The following GRID1 variants were observed in gnomAD, a reference collection of about 807,000 sequenced individuals.
GRID1 encodes the protein glutamate ionotropic receptor delta type subunit 1, also known as glutamate receptor ionotropic, delta-1.
In GRID1, 28 loss-of-function variants were observed where a neutral mutation model predicts 98.0. The ratio of observed to expected loss-of-function variants is 0.29; its 90% CI spans 0.21 to 0.39. The LOEUF is 0.39. Ranked by LOEUF, GRID1 falls within the 10% of genes least tolerant of loss-of-function variation. GRID1 has a pLI of 1.00. For synonymous variants in GRID1, 553 were observed against 538.5 expected (o/e 1.03, Z -0.37); for missense variants, 1,111 against 1,340.5 (o/e 0.83, Z 2.67).
chr10:86,093,982 A>G (rs1844184284), intron 4 of GRID1, among the ~76,000 whole-genome samples: 1 of 152,248 alleles, frequency 6.6e-6, no homozygotes, highest in African/African-American at 2.4e-5. Flanking sequence ...CAACATATCA[A>G]AAAGATAATC....
intron 2 of GRID1, among the ~76,000 whole-genome samples, chr10:86,282,450 T>TG (rs1168076575): frequency 4.6e-5 from 7 of 152,178 alleles, no homozygotes; most frequent in African/African-American, 1.7e-4. Context: ...AGGTGCCGGC[T>TG]GAGCCTGTCC....
intron 14 of GRID1, among the ~76,000 whole-genome samples, chr10:85,616,469 C>T (rs1162579070): frequency 6.6e-6 from 1 of 152,092 alleles, no homozygotes; most frequent in Non-Finnish European, 1.5e-5. Flanking sequence ...GGTCAGATCC[C>T]CACTCCTCCG....
chr10:86,174,524 A>G (rs1411560828), intron 3 of GRID1, among the ~76,000 whole-genome samples: 1 of 151,974 alleles, frequency 6.6e-6, no homozygotes, highest in Non-Finnish European at 1.5e-5. Flanking sequence ...CATTAGACCT[A>G]AAACCATAAA....
intron 5 of GRID1, among the ~76,000 whole-genome samples, chr10:85,895,824 T>C (rs988131913): frequency 1.3e-5 from 2 of 152,070 alleles, no homozygotes; most frequent in Non-Finnish European, 2.9e-5. Context: ...CCGAGGAAAA[T>C]GAGAATCAGT....
chr10:86,121,512 C>T (rs1844671141), intron 4 of GRID1, among the ~76,000 whole-genome samples: 6 of 148,680 alleles, frequency 4.0e-5, no homozygotes, highest in East Asian at 4.0e-4. Context: ...TCACCATCAT[C>T]ATCACTACCA....
intron 2 of GRID1, among the ~76,000 whole-genome samples, chr10:86,290,311 C>T (rs186394014): frequency 1.8e-3 from 270 of 152,244 alleles, no homozygotes; most frequent in African/African-American, 6.1e-3. Flanking sequence ...TGGCTGAGAG[C>T]GTTGGGGTGC....
intron 8 of GRID1, among the ~76,000 whole-genome samples, chr10:85,827,535 A>G (rs1441994914): frequency 6.6e-6 from 1 of 152,232 alleles, no homozygotes; most frequent in Non-Finnish European, 1.5e-5. Flanking sequence ...TATGACTTGG[A>G]GTCACTGAAA....
intron 4 of GRID1, among the ~76,000 whole-genome samples, chr10:85,957,799 A>G (rs1842214343): frequency 6.6e-6 from 1 of 152,084 alleles, no homozygotes. Flanking sequence ...TAAGCTTGGG[A>G]GAGGAGAGGT....
intron 2 of GRID1, among the ~76,000 whole-genome samples, chr10:86,345,387 G>T (rs1021252694): frequency 1.3e-5 from 2 of 152,156 alleles, no homozygotes; most frequent in African/African-American, 2.4e-5. Flanking sequence ...AAATTTGGGG[G>T]TCTAAGCCCT....
At chr10:86,288,482 G>A (rs988634215) in intron 2 of GRID1, among the ~76,000 whole-genome samples, 1 of 152,218 alleles carries the variant, frequency 6.6e-6, no homozygotes, top group African/African-American at 2.4e-5. Context: ...ATTCTAGAAT[G>A]TGGTCAACAT....
intron 6 of GRID1, among the ~76,000 whole-genome samples, chr10:85,859,841 G>A (rs2131784912): frequency 6.6e-6 from 1 of 152,306 alleles, no homozygotes; most frequent in Admixed American, 6.5e-5. Flanking sequence ...GCGGAGGGTA[G>A]GAAAGGCCCT....
chr10:86,137,505 G>A (rs79094092), intron 4 of GRID1, among the ~76,000 whole-genome samples: 5,684 of 152,294 alleles, frequency 0.037, 183 homozygotes, highest in Admixed American at 0.11. Flanking sequence ...CCAGCGATGA[G>A]ATTAGTCGAT....
intron 4 of GRID1, among the ~76,000 whole-genome samples, chr10:85,933,532 T>C (rs1029445705): frequency 6.6e-6 from 1 of 152,172 alleles, no homozygotes; most frequent in Non-Finnish European, 1.5e-5. Context: ...GTGGACCTTC[T>C]GGCCAGACTT....
intron 5 of GRID1, among the ~76,000 whole-genome samples, chr10:85,908,947 A>G (rs1841498995): frequency 6.6e-6 from 1 of 152,240 alleles, no homozygotes; most frequent in Non-Finnish European, 1.5e-5. Flanking sequence ...CTTCATAAAA[A>G]TTTAAAATGT....
At chr10:85,804,887 G>C (rs1489352142) in intron 8 of GRID1, among the ~76,000 whole-genome samples, 2 of 151,480 alleles carry the variant, frequency 1.3e-5, no homozygotes, top group African/African-American at 4.8e-5. Flanking sequence ...ATTAAGTTTG[G>C]GGACAAGGAT....
At chr10:85,820,265 AAAAG>A (rs1842757876) in intron 8 of GRID1, among the ~76,000 whole-genome samples, 1 of 152,058 alleles carries the variant, frequency 6.6e-6, no homozygotes, top group South Asian at 2.1e-4. Context: ...GGTCTTTAAA[AAAAG>A]AAAGAAACTA....
rs138241004 is a variant in GRID1 at position 86,006,479 on chromosome 10, G to A, written c.727-90240C>T. On this transcript the variant is annotated intron_variant, in intron 4 of 15. Coordinates refer to ENST00000327946, the MANE Select transcript of GRID1 (RefSeq NM_017551.3). The stretch of plus-strand genomic sequence containing the variant: ...ACTAAAAGTACAAAATTAGCTGAGC[G>A]TGGTGGCGGGCACCTCTAGTCCCAG... Among the ~76,000 whole-genome samples, 122 of 152,262 alleles carry A rather than the reference G, an allele frequency of 8.0e-4. 1 individual carries two copies. The highest frequency in any genetic ancestry group is 2.6e-3 in the African/African-American group (110 of 41,544).
chr10:86,239,338 G>A (rs1315450980), intron 2 of GRID1, among the ~76,000 whole-genome samples: 1 of 152,208 alleles, frequency 6.6e-6, no homozygotes, highest in African/African-American at 2.4e-5. Context: ...TCACTAACTG[G>A]TTTTGAGCTT....
intron 4 of GRID1, among the ~76,000 whole-genome samples, chr10:85,972,468 T>C (rs924993018): frequency 6.8e-6 from 1 of 148,112 alleles, no homozygotes; most frequent in African/African-American, 2.5e-5. Context: ...TATATTTATA[T>C]AAATATATTA....
Sources: allele counts gnomAD v4.1 joint callset (sites outside exome capture counted in the v4.1 genomes callset), GRCh38; gene constraint gnomAD v4.1.1; transcripts MANE v1.5; gene names NCBI Gene and HGNC (gene_info 2026-07-23, HGNC 2026-07-21).